The following EP300 variants were observed in gnomAD, a reference collection of about 807,000 sequenced individuals.
EP300 encodes histone acetyltransferase p300.
In EP300, 31 loss-of-function variants were observed where a neutral mutation model predicts 264.0. That is an observed-to-expected ratio of 0.12 (90% CI 0.09 to 0.16). The LOEUF (loss-of-function observed/expected upper bound fraction) is 0.16, where lower values mean the gene tolerates loss of function less well. EP300 is among the 10% of genes least tolerant of loss of function. The pLI is 1.00. For synonymous variants in EP300, 1,340 were observed against 1,045.4 expected, an observed-to-expected ratio of 1.28 and a Z score of -5.44; for missense variants, 2,766 against 3,052.9, an observed-to-expected ratio of 0.91 and a Z score of 2.21.
chr22:41,169,745 C>T lies in EP300; in HGVS notation c.4286+129C>T, dbSNP rs2059159633. 4.5e-6 allele frequency: 3 copies of T among 670,612 alleles called. No individual in the cohort carries two copies. In the East Asian group the frequency reaches 8.2e-5, roughly 18 times the overall value. The allele number at this position is 670,612 out of a possible 1,614,324, so 41.5% of individuals were successfully genotyped here. A position where few individuals can be genotyped will look rare whatever the true frequency, so the allele number is the denominator to read the frequency against. On this transcript the variant is annotated intron_variant, in intron 26 of 30. Coordinates refer to ENST00000263253, the MANE Select transcript of EP300 (RefSeq NM_001429.4). ...ATTTTAGTTCTTACGTAACAATTCT[C>T]TTAACTTTGTTGGAGCCCCTTTGAA... is the stretch of plus-strand genomic sequence containing the variant.
At chr22:41,094,807 G>GGA (rs1263323890) in intron 1 of EP300, among the ~76,000 whole-genome samples, 1 of 152,006 alleles carries the variant, frequency 6.6e-6, no homozygotes, top group Non-Finnish European at 1.5e-5. Context: ...GGAACGTAGG[G>GGA]GAAACTTTTT....
chr22:41,165,480 G>T (rs1002590917), intron 22 of EP300, among the ~76,000 whole-genome samples: 1 of 151,870 alleles, frequency 6.6e-6, no homozygotes, highest in Non-Finnish European at 1.5e-5. Flanking sequence ...CTGGAGTGCA[G>T]TGGCGCGATC....
rs970955088 is a variant in EP300, at chr22:41,179,444, C to CTA, written c.*499_*500dup. 3.9e-4 allele frequency: 64 copies of CTA among 163,926 alleles called. 1 individual carries two copies. In the East Asian group the frequency reaches 4.9e-3, roughly 13 times the overall value. 10.2% of individuals were successfully genotyped at this position (163,926 alleles called of 1,614,324 possible). Reference sequence around the variant, plus strand: ...GTTAATGTTACTTTAAAATTACATTCTATATATATATAAATATATATAAAT... The same window carrying CTA: ...GTTAATGTTACTTTAAAATTACATTCTATATATATATATAAATATATATAAAT... On this transcript the variant is annotated 3_prime_UTR_variant, in exon 31 of 31. Transcript: ENST00000263253.
intron 8 of EP300, 52 bp downstream of exon 8, chr22:41,137,842 T>G: frequency 6.2e-7 from 1 of 1,613,076 alleles, no homozygotes; most frequent in South Asian, 1.1e-5. Context: ...TACGTCAACA[T>G]GTTTTCAATC....
Position 41,141,189 on chromosome 22 carries a change from A to G in EP300, c.2020A>G (p.Asn674Asp), listed in dbSNP as rs772528449. Reference protein sequence around the residue: ...MVPVSMNPGPNMGQPQPGMTS... With the variant: ...MVPVSMNPGPDMGQPQPGMTS... ...TCCAGTTTCCATGAATCCAGGGCCT[A>G]ACATGGGACAGCCGCAACCAGGAAT... The change falls in exon 10 of 31, where the codon AAC becomes GAC. Residue 674 changes from asparagine (N) to aspartate (D), a missense_variant. Asn to Asp is a conservative substitution (Grantham distance 23, BLOSUM62 1). Coordinates refer to ENST00000263253, the MANE Select transcript of EP300 (RefSeq NM_001429.4). 3.7e-6 allele frequency: 6 copies of G among 1,614,234 alleles called. No individual in the cohort carries two copies. The highest frequency in any genetic ancestry group is 4.2e-6 in the Non-Finnish European group (5 of 1,180,030).
intron 8 of EP300, among the ~76,000 whole-genome samples, chr22:41,138,326 G>T (rs1361568356): frequency 2.0e-5 from 3 of 152,084 alleles, no homozygotes; most frequent in African/African-American, 7.2e-5. Flanking sequence ...ACCTCACCTG[G>T]CTAATTTTTG....
intron 27 of EP300, among the ~76,000 whole-genome samples, chr22:41,171,298 T>A (rs902560382): frequency 9.2e-5 from 14 of 151,424 alleles, no homozygotes; most frequent in African/African-American, 3.4e-4. Context: ...TTGTTTTGGT[T>A]TTTTGTTGGT....
chr22:41,179,110 A>G lies in EP300; in HGVS notation c.*154A>G. ...GCAGTAGCCGTTTGTGGTTTAAAGC[A>G]AACATGCAAGATGAACCTGAGGGAT... On this transcript the variant is annotated 3_prime_UTR_variant, in exon 31 of 31. Transcript: ENST00000263253. 3 of 814,924 alleles carry G rather than the reference A, an allele frequency of 3.7e-6. No homozygotes were observed. Among genetic ancestry groups the G allele is most frequent in the Non-Finnish European group, 5.7e-6 (3 of 524,152 alleles). 50.5% of individuals were successfully genotyped at this position (814,924 alleles called of 1,614,324 possible).
chr22:41,098,770 G>C (rs1212199471), intron 1 of EP300, among the ~76,000 whole-genome samples: 2 of 152,136 alleles, frequency 1.3e-5, no homozygotes, highest in African/African-American at 4.8e-5. Context: ...GACTGCTAGA[G>C]TTCATAGCCC....
At chr22:41,169,356 G>A (rs1335846400) in intron 25 of EP300, 147 bp from the exon 26 acceptor site, 13 of 672,124 alleles carry the variant, frequency 1.9e-5, no homozygotes, top group East Asian at 8.1e-5. Context: ...CGGCGGAGTC[G>A]CCTACCTGCC....
intron 1 of EP300, among the ~76,000 whole-genome samples, chr22:41,099,470 C>T (rs1464980976): frequency 6.6e-6 from 1 of 152,202 alleles, no homozygotes; most frequent in Non-Finnish European, 1.5e-5. Flanking sequence ...CTGTCCGTGT[C>T]TTCCACACAC....
intron 25 of EP300, chr22:41,169,180 A>G: frequency 3.7e-6 from 2 of 546,062 alleles, no homozygotes; most frequent in South Asian, 2.1e-5. Flanking sequence ...GTGAAAATAT[A>G]TCATACAAAT....
Position 41,144,520 on chromosome 22 carries a change from AT to A in EP300, c.2054-2210del, listed in dbSNP as rs1039200197. Among the ~76,000 whole-genome samples, 15 of 151,082 alleles carry A rather than the reference AT, an allele frequency of 9.9e-5. No homozygotes were observed. In the South Asian group the frequency reaches 1.3e-3, roughly 13 times the overall value. ...AGGCACACGCCACCATGCCTGGCTA[AT>A]TTTTTTTTATTTTTTAGTAGAAACA... On this transcript the variant is annotated intron_variant, in intron 10 of 30. Transcript: ENST00000263253.
chr22:41,123,900 A>C (rs181008228), intron 2 of EP300, among the ~76,000 whole-genome samples: 292 of 152,372 alleles, frequency 1.9e-3, no homozygotes, highest in African/African-American at 6.8e-3. Context: ...TTATTATTAT[A>C]GTATAATGGC....
intron 7 of EP300, among the ~76,000 whole-genome samples, chr22:41,136,337 T>C (rs2058950400): frequency 6.6e-6 from 1 of 152,226 alleles, no homozygotes; most frequent in Non-Finnish European, 1.5e-5. Context: ...TCTTTCTTCT[T>C]TCTACAGCCT....
At chr22:41,144,053 T>A (rs1249998227) in intron 10 of EP300, among the ~76,000 whole-genome samples, 1 of 152,208 alleles carries the variant, frequency 6.6e-6, no homozygotes, top group African/African-American at 2.4e-5. Context: ...GGTAACTCTT[T>A]CCTTATTAAT....
At chr22:41,151,767 C>T (rs2059046781) in intron 14 of EP300, 66 bp from the exon 15 acceptor site, 1 of 1,514,056 alleles carries the variant, frequency 6.6e-7, no homozygotes, top group Non-Finnish European at 9.2e-7. Context: ...GCTTACCTTA[C>T]ATTCTGATTG....
chr22:41,121,002 T>C (rs2058849261), intron 2 of EP300, among the ~76,000 whole-genome samples: 1 of 152,186 alleles, frequency 6.6e-6, no homozygotes, highest in African/African-American at 2.4e-5. Context: ...TGGCCACATT[T>C]TTTTCAAGAA....
intron 2 of EP300, among the ~76,000 whole-genome samples, chr22:41,118,567 G>A (rs926371006): frequency 1.1e-4 from 16 of 152,204 alleles, no homozygotes; most frequent in African/African-American, 3.1e-4. Flanking sequence ...GCTTCACTTC[G>A]AAGATGAAAT....
Sources: allele counts gnomAD v4.1 joint callset (sites outside exome capture counted in the v4.1 genomes callset), GRCh38; gene constraint gnomAD v4.1.1; transcripts MANE v1.5; gene names NCBI Gene and HGNC (gene_info 2026-07-23, HGNC 2026-07-21).